Variants in DNAJC6 observed in about 807,000 individuals in gnomAD.
DNAJC6 encodes auxilin.
In DNAJC6, 34 loss-of-function variants were observed where a neutral mutation model predicts 110.0. The observed-to-expected ratio is 0.31, with a 90% CI of 0.24 to 0.41. DNAJC6 has a LOEUF of 0.41. Among genes scored for constraint, DNAJC6 ranks in the 10% least tolerant of loss-of-function variants. The probability of loss-of-function intolerance (pLI) is 1.00; values close to 1 mark genes in which losing one functional copy is unlikely to be tolerated. For missense variants in DNAJC6, 1,031 were observed against 1,207.8 expected, an observed-to-expected ratio of 0.85 and a Z score of 2.17; for synonymous variants, 406 against 437.2, an observed-to-expected ratio of 0.93 and a Z score of 0.89.
intron 1 of DNAJC6, chr1:65,278,969 C>T: frequency 1.0e-6 from 1 of 985,416 alleles, no homozygotes; most frequent in Non-Finnish European, 1.2e-6. Flanking sequence ...TTCTGCCCTC[C>T]TCCATCCCCT....
At chr1:65,406,198 G>A in intron 16 of DNAJC6, 65 bp downstream of exon 16, 1 of 1,547,442 alleles carries the variant, frequency 6.5e-7, no homozygotes, top group South Asian at 1.2e-5. Flanking sequence ...CTGCCTGAAT[G>A]TGTCTCTCTG....
chr1:65,374,793 C>T (rs72917355), intron 4 of DNAJC6, among the ~76,000 whole-genome samples: 1 of 152,068 alleles, frequency 6.6e-6, no homozygotes, highest in Non-Finnish European at 1.5e-5. Context: ...CCTAATTGCT[C>T]TGGCCAGGAC....
chr1:65,265,834 C>T (rs1344626938), intron 1 of DNAJC6, among the ~76,000 whole-genome samples: 2 of 152,222 alleles, frequency 1.3e-5, no homozygotes, highest in Admixed American at 6.5e-5. Context: ...GCAGCGGAGT[C>T]GCGTGCCCGT....
At chr1:65,297,162 G>A (rs953776476) in intron 1 of DNAJC6, among the ~76,000 whole-genome samples, 35 of 152,182 alleles carry the variant, frequency 2.3e-4, no homozygotes, top group African/African-American at 8.4e-4. Flanking sequence ...GGATTGGCCA[G>A]GTGGGGGATC....
intron 1 of DNAJC6, among the ~76,000 whole-genome samples, chr1:65,364,191 T>C (rs1645623500): frequency 6.6e-6 from 1 of 152,216 alleles, no homozygotes; most frequent in Non-Finnish European, 1.5e-5. Flanking sequence ...AAATTGATTT[T>C]ACAGCTATAA....
chr1:65,274,874 C>T (rs1442822196), intron 1 of DNAJC6, among the ~76,000 whole-genome samples: 1 of 152,096 alleles, frequency 6.6e-6, no homozygotes, highest in Non-Finnish European at 1.5e-5. Context: ...ATTCTTTACA[C>T]ATTTGTTTTC....
chr1:65,282,508 C>CT (rs1557496496), intron 1 of DNAJC6, among the ~76,000 whole-genome samples: 1 of 152,094 alleles, frequency 6.6e-6, no homozygotes, highest in African/African-American at 2.4e-5. Context: ...TAGGGCCAGA[C>CT]TTTCATTGGA....
intron 1 of DNAJC6, among the ~76,000 whole-genome samples, chr1:65,351,617 A>G (rs1276656326): frequency 6.6e-6 from 1 of 152,104 alleles, no homozygotes; most frequent in African/African-American, 2.4e-5. Context: ...GTATGCGTAT[A>G]TTTGCTACAG....
chr1:65,282,085 C>G (rs570170497), intron 1 of DNAJC6, among the ~76,000 whole-genome samples: 1 of 152,254 alleles, frequency 6.6e-6, no homozygotes, highest in African/African-American at 2.4e-5. Flanking sequence ...GCCACCATGC[C>G]TGGCTAATTT....
intron 1 of DNAJC6, among the ~76,000 whole-genome samples, chr1:65,282,866 T>A (rs1653896996): frequency 6.6e-6 from 1 of 152,206 alleles, no homozygotes; most frequent in Non-Finnish European, 1.5e-5. Flanking sequence ...GATTGTGTCT[T>A]GTCACAATTA....
rs761817101 is a variant in DNAJC6 at position 65,386,820 on chromosome 1, G to A, written c.1004G>A (p.Arg335His). Residue 335 changes from arginine to histidine, a missense_variant, in exon 8 of 19, where the codon CGT (arginine) becomes CAT (histidine). By Grantham distance (29) the Arg-to-His change is conservative (BLOSUM62 0). Coordinates refer to ENST00000371069, the MANE Select transcript of DNAJC6 (RefSeq NM_001256864.2). The part of the protein sequence containing the change: ...CTDFERMKEY[R>H]VQDGKIFIPL... ...TTGGTCTGTGTTTACAGAGAATATC[G>A]TGTCCAAGATGGAAAAATCTTCATT... is the stretch of plus-strand genomic sequence containing the variant. The A allele has an allele frequency of 7.6e-5, 122 of 1,613,800 alleles. No homozygotes were observed. The highest frequency in any genetic ancestry group is 9.6e-5 in the Non-Finnish European group (113 of 1,179,846).
At chr1:65,399,107 CT>C (rs1490906553) in intron 14 of DNAJC6, among the ~76,000 whole-genome samples, 1 of 152,084 alleles carries the variant, frequency 6.6e-6, no homozygotes, top group Non-Finnish European at 1.5e-5. Context: ...TGCTGAATGT[CT>C]TATCTTGACA....
At chr1:65,301,509 G>A (rs1644978451) in intron 1 of DNAJC6, among the ~76,000 whole-genome samples, 1 of 152,100 alleles carries the variant, frequency 6.6e-6, no homozygotes, top group African/African-American at 2.4e-5. Flanking sequence ...ACTTCTGATC[G>A]ACCAGATTCA....
intron 15 of DNAJC6, 72 bp downstream of exon 15, chr1:65,401,952 G>A (rs1010944115): frequency 6.3e-7 from 1 of 1,585,106 alleles, no homozygotes; most frequent in Non-Finnish European, 8.6e-7. Flanking sequence ...TCAGTCTTTG[G>A]TGTTACAGCA....
At chr1:65,408,519 A>G (rs762173209) in intron 16 of DNAJC6, 122 bp from the exon 17 acceptor site, 10 of 1,089,286 alleles carry the variant, frequency 9.2e-6, no homozygotes, top group African/African-American at 3.2e-5. Context: ...GTAAGCAAGC[A>G]TGAGGGTTAA....
intron 1 of DNAJC6, among the ~76,000 whole-genome samples, chr1:65,351,769 A>G (rs929679289): frequency 2.0e-5 from 3 of 152,128 alleles, no homozygotes; most frequent in East Asian, 3.9e-4. Flanking sequence ...AGTTATATAT[A>G]TTTTTTTTTT....
chr1:65,302,118 AT>A (rs1298821435), intron 1 of DNAJC6, among the ~76,000 whole-genome samples: 4 of 17,408 alleles, frequency 2.3e-4, no homozygotes, highest in East Asian at 0.011. Flanking sequence ...ATATATATAT[AT>A]ATATAAAAAA....
intron 1 of DNAJC6, among the ~76,000 whole-genome samples, chr1:65,322,219 AC>A (rs932431081): frequency 1.8e-4 from 28 of 152,006 alleles, no homozygotes; most frequent in African/African-American, 6.3e-4. Context: ...TTAAAAATTA[AC>A]CCCCCCAAAC....
intron 1 of DNAJC6, among the ~76,000 whole-genome samples, chr1:65,334,380 A>G (rs895439695): frequency 2.0e-5 from 3 of 152,264 alleles, no homozygotes; most frequent in African/African-American, 7.2e-5. Context: ...AGTGCAGGCT[A>G]CTGAGGAAAA....
Sources: allele counts gnomAD v4.1 joint callset (sites outside exome capture counted in the v4.1 genomes callset), GRCh38; gene constraint gnomAD v4.1.1; transcripts MANE v1.5; gene names NCBI Gene and HGNC (gene_info 2026-07-23, HGNC 2026-07-21).